The following ZDHHC14 variants were observed in gnomAD, a reference collection of about 807,000 sequenced individuals.
The protein encoded by ZDHHC14 is zDHHC palmitoyltransferase 14, also known as palmitoyltransferase ZDHHC14.
Under a neutral mutation model 47.7 loss-of-function variants are expected in ZDHHC14, and 16 were observed. The ratio of observed to expected loss-of-function variants is 0.34; its 90% confidence interval spans 0.23 to 0.51. The LOEUF (loss-of-function observed/expected upper bound fraction) is 0.51, where lower values mean the gene tolerates loss of function less well. Ranked by LOEUF, ZDHHC14 falls within the 20% of genes least tolerant of loss-of-function variation. The pLI is 0.97. For synonymous variants in ZDHHC14, 293 were observed against 278.9 expected (o/e 1.05, Z -0.50); for missense variants, 515 against 662.5 (o/e 0.78, Z 2.44).
At chr6:157,452,690 ATTTTTTTTTTTTTT>A (rs747862336) in intron 1 of ZDHHC14, among the ~76,000 whole-genome samples, 3 of 72,960 alleles carry the variant, frequency 4.1e-5, no homozygotes, top group African/African-American at 5.7e-5. Context: ...ATACATGGGG[ATTTTTTTTTTTTTT>A]TTTTTTTTTT....
intron 2 of ZDHHC14, among the ~76,000 whole-genome samples, chr6:157,561,443 C>T (rs150282705): frequency 9.9e-5 from 15 of 152,186 alleles, no homozygotes; most frequent in Non-Finnish European, 2.1e-4. Flanking sequence ...AAAATGTATA[C>T]ATATACAAGT....
chr6:157,614,080 A>G (rs955178805), intron 3 of ZDHHC14, among the ~76,000 whole-genome samples: 2 of 152,106 alleles, frequency 1.3e-5, no homozygotes, highest in East Asian at 3.8e-4. Flanking sequence ...GCTCTTGGCA[A>G]GCCCCCCCAC....
intron 1 of ZDHHC14, among the ~76,000 whole-genome samples, chr6:157,435,666 A>T (rs145657128): frequency 6.6e-6 from 1 of 152,144 alleles, no homozygotes; most frequent in East Asian, 1.9e-4. Flanking sequence ...CAGTTTCCCA[A>T]GTAGCTGAGT....
intron 2 of ZDHHC14, among the ~76,000 whole-genome samples, chr6:157,590,216 A>C (rs572262593): frequency 1.3e-5 from 2 of 152,360 alleles, no homozygotes; most frequent in East Asian, 3.9e-4. Flanking sequence ...GAGAAATTCA[A>C]GCTGACAGCA....
intron 1 of ZDHHC14, among the ~76,000 whole-genome samples, chr6:157,507,951 CTTGA>C (rs1264133632): frequency 2.0e-5 from 3 of 152,198 alleles, no homozygotes; most frequent in South Asian, 2.1e-4. Context: ...CAATCTTACA[CTTGA>C]TTGATTGTCA....
chr6:157,613,114 A>C (rs1460603047), intron 3 of ZDHHC14, among the ~76,000 whole-genome samples: 2 of 152,232 alleles, frequency 1.3e-5, no homozygotes, highest in Non-Finnish European at 2.9e-5. Context: ...TGGTGTCTTT[A>C]GGTCTGTGAC....
intron 1 of ZDHHC14, among the ~76,000 whole-genome samples, chr6:157,483,379 G>A (rs1779679481): frequency 6.6e-6 from 1 of 152,192 alleles, no homozygotes; most frequent in Non-Finnish European, 1.5e-5. Context: ...CACAGTGTCT[G>A]ACTAGGAGCC....
intron 1 of ZDHHC14, among the ~76,000 whole-genome samples, chr6:157,394,509 TAC>T (rs763234096): frequency 2.6e-5 from 4 of 152,156 alleles, no homozygotes; most frequent in Non-Finnish European, 4.4e-5. Flanking sequence ...CACCCCATAA[TAC>T]AGAGGCCATG....
chr6:157,419,118 A>G (rs1778045452), intron 1 of ZDHHC14, among the ~76,000 whole-genome samples: 1 of 152,192 alleles, frequency 6.6e-6, no homozygotes, highest in Non-Finnish European at 1.5e-5. Context: ...TGGGATCCCC[A>G]TGTCGGCGGA....
rs772699105 is a variant in ZDHHC14, at chr6:157,382,144, G to A, written c.123G>A (p.Glu41=). The change falls in exon 1 of 9, where the codon GAG becomes GAA. Residue 41 remains glutamate, a synonymous_variant. Coordinates refer to ENST00000359775, the MANE Select transcript of ZDHHC14 (RefSeq NM_024630.3). ...KKKIAARRKW[E]VFPGRNKFFC... ...AAATCGCGGCCCGGAGGAAATGGGAGGTGTTCCCGGGAAGAAACAAGTTCT... is the reference window on the plus strand; with the variant it reads ...AAATCGCGGCCCGGAGGAAATGGGAAGTGTTCCCGGGAAGAAACAAGTTCT... The A allele has an allele frequency of 6.2e-7, 1 of 1,613,858 alleles. No homozygotes were observed. Among genetic ancestry groups the A allele is most frequent in the Non-Finnish European group, 8.5e-7 (1 of 1,179,896 alleles).
At chr6:157,519,745 T>G (rs188068735) in intron 1 of ZDHHC14, among the ~76,000 whole-genome samples, 293 of 152,292 alleles carry the variant, frequency 1.9e-3, no homozygotes, top group Middle Eastern at 0.01. Context: ...GGATTCATCG[T>G]TTTTTTGTTG....
intron 1 of ZDHHC14, among the ~76,000 whole-genome samples, chr6:157,423,020 A>G (rs890410488): frequency 6.6e-6 from 1 of 152,210 alleles, no homozygotes; most frequent in Non-Finnish European, 1.5e-5. Context: ...GTCGATAAGG[A>G]AAATGTTTTC....
chr6:157,534,267 T>C (rs965730260), intron 1 of ZDHHC14, among the ~76,000 whole-genome samples: 1 of 152,184 alleles, frequency 6.6e-6, no homozygotes, highest in African/African-American at 2.4e-5. Flanking sequence ...GGAAGGGCCC[T>C]GGCTTGCCCT....
chr6:157,500,123 T>C (rs1583713468), intron 1 of ZDHHC14, among the ~76,000 whole-genome samples: 1 of 152,152 alleles, frequency 6.6e-6, no homozygotes. Context: ...AGGCATATAT[T>C]TGAAGAGGTG....
intron 2 of ZDHHC14, among the ~76,000 whole-genome samples, chr6:157,551,398 C>T (rs1440062222): frequency 2.6e-5 from 4 of 152,186 alleles, no homozygotes; most frequent in Admixed American, 6.5e-5. Flanking sequence ...CAGTGACAGG[C>T]CTGGGACCCT....
chr6:157,393,886 C>T (rs564274039), intron 1 of ZDHHC14, among the ~76,000 whole-genome samples: 5 of 152,300 alleles, frequency 3.3e-5, no homozygotes, highest in African/African-American at 9.6e-5. Flanking sequence ...CAAGATTGCA[C>T]GGTCATGGTG....
intron 1 of ZDHHC14, among the ~76,000 whole-genome samples, chr6:157,479,417 G>A (rs937831699): frequency 2.0e-5 from 3 of 152,080 alleles, no homozygotes; most frequent in African/African-American, 2.4e-5. Context: ...TCTGACAATC[G>A]GTTTCCAACA....
intron 1 of ZDHHC14, among the ~76,000 whole-genome samples, chr6:157,418,190 G>C (rs897994888): frequency 6.6e-6 from 1 of 152,158 alleles, no homozygotes; most frequent in African/African-American, 2.4e-5. Flanking sequence ...TGTCCCACGC[G>C]TGTCTTATGG....
intron 8 of ZDHHC14, among the ~76,000 whole-genome samples, chr6:157,671,635 T>A (rs1319635097): frequency 6.6e-6 from 1 of 152,214 alleles, no homozygotes. Context: ...GTGCTTACAC[T>A]ATCTTCTTTG....
Sources: allele counts gnomAD v4.1 joint callset (sites outside exome capture counted in the v4.1 genomes callset), GRCh38; gene constraint gnomAD v4.1.1; transcripts MANE v1.5; gene names NCBI Gene and HGNC (gene_info 2026-07-23, HGNC 2026-07-21).